The following SLC7A2 variants were observed in gnomAD, a reference collection of about 807,000 sequenced individuals.
SLC7A2 encodes cationic amino acid transporter 2.
In SLC7A2, 48 loss-of-function variants were observed where a neutral mutation model predicts 58.9. The ratio of observed to expected loss-of-function variants is 0.82; its 90% CI spans 0.65 to 1.04. The LOEUF is 1.04. Among genes scored for constraint, SLC7A2 ranks in the 50% least tolerant of loss-of-function variants. The probability of loss-of-function intolerance (pLI) is 0.00; values close to 1 mark genes in which losing one functional copy is unlikely to be tolerated. For synonymous variants in SLC7A2, 363 were observed against 314.5 expected (o/e 1.15, Z -1.63); for missense variants, 1,029 against 818.8 (o/e 1.26, Z -3.13).
At chr8:17,540,955 G>A (rs565223064) in intron 2 of SLC7A2, among the ~76,000 whole-genome samples, 25 of 152,070 alleles carry the variant, frequency 1.6e-4, no homozygotes, top group Non-Finnish European at 3.2e-4. Context: ...GGTTAATTAA[G>A]TACTCCACCA....
intron 2 of SLC7A2, among the ~76,000 whole-genome samples, chr8:17,524,261 C>A (rs550871910): frequency 6.6e-6 from 1 of 151,938 alleles, no homozygotes; most frequent in Non-Finnish European, 1.5e-5. Flanking sequence ...TAGGTATCTA[C>A]CAAAGGAAAA....
chr8:17,519,008 C>T (rs1022030808), intron 2 of SLC7A2, among the ~76,000 whole-genome samples: 1 of 152,116 alleles, frequency 6.6e-6, no homozygotes, highest in Non-Finnish European at 1.5e-5. Context: ...TATAAGGACA[C>T]TAATTCCATC....
chr8:17,543,505 G>T lies in SLC7A2; in HGVS notation c.166G>T (p.Ala56Ser). The T allele has an allele frequency of 1.2e-6, 2 of 1,613,936 alleles. No homozygotes were observed. The highest frequency in any genetic ancestry group is 1.7e-6 in the Non-Finnish European group (2 of 1,179,964). ...STLGAGVYVL[A>S]GEVAKADSGP... ...CCTTGGGGCCGGGGTTTATGTCCTC[G>T]CTGGGGAGGTGGCCAAGGCAGACTC... Residue 56 changes from alanine (A) to serine (S), a missense_variant, in exon 3 of 13, where the codon GCT becomes TCT. Transcript: ENST00000494857.
intron 2 of SLC7A2, among the ~76,000 whole-genome samples, chr8:17,509,878 C>T (rs1028106608): frequency 2.0e-5 from 3 of 151,958 alleles, no homozygotes; most frequent in African/African-American, 7.3e-5. Flanking sequence ...TGTTTCATTT[C>T]AAGCAGAACT....
chr8:17,523,598 A>G (rs572914148), intron 2 of SLC7A2, among the ~76,000 whole-genome samples: 45 of 151,836 alleles, frequency 3.0e-4, no homozygotes, highest in Non-Finnish European at 5.0e-4. Flanking sequence ...CTCTCAACTT[A>G]TACAAAAATT....
intron 2 of SLC7A2, among the ~76,000 whole-genome samples, chr8:17,535,614 C>T (rs139643417): frequency 2.0e-5 from 3 of 152,282 alleles, no homozygotes; most frequent in South Asian, 2.1e-4. Flanking sequence ...AAGAAATTTA[C>T]ATTTTTGGCC....
At chr8:17,563,181 A>G (rs1585275309) in intron 11 of SLC7A2, among the ~76,000 whole-genome samples, 1 of 152,162 alleles carries the variant, frequency 6.6e-6, no homozygotes. Context: ...TTAAAAAGAT[A>G]AGCTCCTCCA....
chr8:17,500,760 G>C (rs1473643206), intron 1 of SLC7A2, among the ~76,000 whole-genome samples: 1 of 151,704 alleles, frequency 6.6e-6, no homozygotes, highest in Admixed American at 6.6e-5. Flanking sequence ...CTGCACTCCA[G>C]CCTGGGTGAC....
chr8:17,500,799 T>TACACACACAC (rs60002166), intron 1 of SLC7A2, among the ~76,000 whole-genome samples: 48 of 146,132 alleles, frequency 3.3e-4, no homozygotes, highest in African/African-American at 1.1e-3. Flanking sequence ...AACACACACA[T>TACACACACAC]ACACACACAC....
chr8:17,518,075 A>G (rs147933279), intron 2 of SLC7A2, among the ~76,000 whole-genome samples: 2 of 152,290 alleles, frequency 1.3e-5, no homozygotes, highest in East Asian at 1.9e-4. Context: ...AAAGCAATGA[A>G]TCGTCTCTAT....
intron 2 of SLC7A2, among the ~76,000 whole-genome samples, chr8:17,538,418 G>T (rs140904758): frequency 6.6e-6 from 1 of 152,282 alleles, no homozygotes; most frequent in South Asian, 2.1e-4. Context: ...GAAAGATTCA[G>T]GCTTAAGTAC....
chr8:17,570,144 G>T lies in SLC7A2; in HGVS notation c.*4998G>T, dbSNP rs888813583. Reference sequence around the variant, plus strand: ...ATGCACATGCACTGACAGCCTTGCTGTGCCACGTGTCTCACCAAGACCCAG... The same window carrying T: ...ATGCACATGCACTGACAGCCTTGCTTTGCCACGTGTCTCACCAAGACCCAG... On this transcript the variant is annotated 3_prime_UTR_variant, in exon 13 of 13. Coordinates refer to ENST00000494857, the MANE Select transcript of SLC7A2 (RefSeq NM_001370338.1). 3.9e-5 allele frequency: 6 copies of T among 152,192 alleles called. No individual in the cohort carries two copies. Among genetic ancestry groups the T allele is most frequent in the Non-Finnish European group, 7.3e-5 (5 of 68,042 alleles). The allele number at this position is 152,192 out of a possible 1,614,324, so 9.4% of individuals were successfully genotyped here. A position where few individuals can be genotyped will look rare whatever the true frequency, so the allele number is the denominator to read the frequency against.
intron 8 of SLC7A2, among the ~76,000 whole-genome samples, chr8:17,555,577 T>C (rs541122341): frequency 2.6e-5 from 4 of 151,920 alleles, no homozygotes; most frequent in Admixed American, 2.6e-4. Context: ...ATATTCAAGA[T>C]GATTTATGCT....
intron 2 of SLC7A2, among the ~76,000 whole-genome samples, chr8:17,508,331 A>C (rs1800457381): frequency 6.6e-6 from 1 of 152,214 alleles, no homozygotes; most frequent in African/African-American, 2.4e-5. Context: ...TGAAGGACAA[A>C]CAACCTTATT....
chr8:17,494,814 G>C (rs1799918553), upstream of SLC7A2, among the ~76,000 whole-genome samples: 1 of 152,212 alleles, frequency 6.6e-6, no homozygotes, highest in Non-Finnish European at 1.5e-5. Context: ...AGTGTGTAAA[G>C]ATATTCAGCA....
intron 2 of SLC7A2, among the ~76,000 whole-genome samples, chr8:17,540,628 T>C (rs925841034): frequency 1.3e-5 from 2 of 152,160 alleles, no homozygotes; most frequent in African/African-American, 4.8e-5. Flanking sequence ...TTCAATTTCG[T>C]ATTGAAGAGA....
At position 17,543,567 on chromosome 8, in the gene SLC7A2, C is replaced by T. The variant is rs376207004; in HGVS notation, c.228C>T (p.Ala76=). ...PSIVVSFLIA[A]LASVMAGLCY... ...TCGTGGTGTCCTTCCTCATTGCTGC[C>T]CTGGCTTCAGTGATGGCTGGCCTCT... The change falls in exon 3 of 13, where the codon GCC becomes GCT. Residue 76 remains alanine (A), a synonymous_variant. Coordinates refer to ENST00000494857, the MANE Select transcript of SLC7A2 (RefSeq NM_001370338.1). The T allele has an allele frequency of 1.2e-6, 2 of 1,611,540 alleles. No individual in the cohort carries two copies. The highest frequency in any genetic ancestry group is 1.7e-5 in the Admixed American group (1 of 59,800).
intron 2 of SLC7A2, among the ~76,000 whole-genome samples, chr8:17,532,575 A>G (rs1327475972): frequency 6.6e-6 from 1 of 152,112 alleles, no homozygotes. Flanking sequence ...CAGTTTGTTG[A>G]ACAGCTAATA....
At chr8:17,562,246 G>C in intron 11 of SLC7A2, 136 bp downstream of exon 11, 1 of 840,826 alleles carries the variant, frequency 1.2e-6, no homozygotes, top group Non-Finnish European at 1.7e-6. Flanking sequence ...TGTCACTCAG[G>C]CTGGAGTGCA....
Sources: allele counts gnomAD v4.1 joint callset (sites outside exome capture counted in the v4.1 genomes callset), GRCh38; gene constraint gnomAD v4.1.1; transcripts MANE v1.5; gene names NCBI Gene and HGNC (gene_info 2026-07-23, HGNC 2026-07-21).